CASP9: variants seen among roughly 807,000 people sequenced by gnomAD.
CASP9 encodes caspase-9.
Under a neutral mutation model 43.5 loss-of-function variants are expected in CASP9, and 29 were observed. The ratio of observed to expected loss-of-function variants is 0.67; its 90% CI spans 0.50 to 0.91. CASP9 has a LOEUF of 0.91. CASP9 is among the 40% of genes least tolerant of loss of function. The pLI is 0.00. For missense variants in CASP9, 575 were observed against 537.4 expected, an observed-to-expected ratio of 1.07 and a Z score of -0.69; for synonymous variants, 206 against 211.9, an observed-to-expected ratio of 0.97 and a Z score of 0.24.
Position 15,491,622 on chromosome 1 carries a change from G to A in CASP9, c.*1321C>T. On this transcript the variant is annotated 3_prime_UTR_variant, in exon 9 of 9. Transcript: ENST00000333868. ...AAAATACAAAAATTAACTGGGAGAGGTGGTGCACACCTGTAGTCCAAGCTA... is the reference window on the plus strand; with the variant it reads ...AAAATACAAAAATTAACTGGGAGAGATGGTGCACACCTGTAGTCCAAGCTA... The A allele has an allele frequency of 6.1e-6, 2 of 329,672 alleles. No homozygotes were observed. The allele number at this position is 329,672 out of a possible 1,614,324, so 20.4% of individuals were successfully genotyped here.
chr1:15,519,449 T>C (rs1482093042), intron 1 of CASP9, among the ~76,000 whole-genome samples: 3 of 152,156 alleles, frequency 2.0e-5, no homozygotes, highest in Non-Finnish European at 4.4e-5. Flanking sequence ...CTCAAAGTGC[T>C]AGGATTACAG....
chr1:15,499,474 G>C (rs1042398060), intron 6 of CASP9, among the ~76,000 whole-genome samples: 2 of 152,144 alleles, frequency 1.3e-5, no homozygotes, highest in African/African-American at 4.8e-5. Flanking sequence ...AATCAAAGAA[G>C]CCATCAGAAA....
At chr1:15,498,027 G>A (rs545759032) in intron 6 of CASP9, among the ~76,000 whole-genome samples, 3 of 152,318 alleles carry the variant, frequency 2.0e-5, no homozygotes, top group South Asian at 2.1e-4. Flanking sequence ...AGGGTGGCAG[G>A]ACCATTCAGT....
In CASP9 at chr1:15,518,032, C is replaced by T. The variant is rs1710020214; in HGVS notation, c.418+78G>A. On this transcript the variant is annotated intron_variant, in intron 2 of 8. Transcript: ENST00000333868. ...GCTAAAATTAAATTCTGAATCTCAGCCCACCCAGCTGTACTCATAGTGAGT... is the reference window on the plus strand; with the variant it reads ...GCTAAAATTAAATTCTGAATCTCAGTCCACCCAGCTGTACTCATAGTGAGT... 4 of 1,462,234 alleles carry T rather than the reference C, an allele frequency of 2.7e-6. No homozygotes were observed. In the East Asian group the frequency reaches 9.2e-5, roughly 33 times the overall value. The allele number at this position is 1,462,234 out of a possible 1,614,324, so 90.6% of individuals were successfully genotyped here. A position where few individuals can be genotyped will look rare whatever the true frequency, so the allele number is the denominator to read the frequency against.
chr1:15,506,014 C>T lies in CASP9; in HGVS notation c.696G>A (p.Val232=), dbSNP rs1709504528. ...QDHGALDCCV[V]VILSHGCQAS... ...CCTGACAGCCGTGAGAGAGAATGAC[C>T]ACCACGCAGCAGTCCAGAGCACCGT... The change falls in exon 5 of 9, where the codon GTG becomes GTA. Residue 232 remains valine (V), a synonymous_variant. Transcript: ENST00000333868. 5.0e-6 allele frequency: 8 copies of T among 1,614,122 alleles called. No individual in the cohort carries two copies. Among genetic ancestry groups the T allele is most frequent in the Non-Finnish European group, 6.8e-6 (8 of 1,179,960 alleles).
chr1:15,507,767 G>T lies in CASP9; in HGVS notation c.453+106C>A, dbSNP rs373627814. On this transcript the variant is annotated intron_variant, in intron 3 of 8. Coordinates refer to ENST00000333868, the MANE Select transcript of CASP9 (RefSeq NM_001229.5). Reference sequence around the variant, plus strand: ...ACCAGACCCCCACTGCACTGCCTAGGGTTGGGTTCCCTGGGCTCCTGACAC... The same window carrying T: ...ACCAGACCCCCACTGCACTGCCTAGTGTTGGGTTCCCTGGGCTCCTGACAC... The T allele has an allele frequency of 7.4e-6, 8 of 1,083,792 alleles. No homozygotes were observed. In the African/African-American group the frequency reaches 1.2e-4, roughly 17 times the overall value. 67.1% of individuals were successfully genotyped at this position (1,083,792 alleles called of 1,614,324 possible). A position where few individuals can be genotyped will look rare whatever the true frequency, so the allele number is the denominator to read the frequency against.
chr1:15,493,711 C>G, intron 8 of CASP9, 181 bp downstream of exon 8: 1 of 1,486,944 alleles, frequency 6.7e-7, no homozygotes, highest in Non-Finnish European at 8.9e-7. Context: ...AACGTCACCA[C>G]AGGCAGGATG....
chr1:15,504,675 A>G lies in CASP9; in HGVS notation c.804T>C (p.Asn268=), dbSNP rs1364589709. Residue 268 remains asparagine, a synonymous_variant, in exon 6 of 9, where the codon AAT becomes AAC. Coordinates refer to ENST00000333868, the MANE Select transcript of CASP9 (RefSeq NM_001229.5). ...VSVEKIVNIF[N]GTSCPSLGGK... The stretch of plus-strand genomic sequence containing the variant: ...CTCCCAGGCTGGGGCAGCTGGTCCC[A>G]TTGAAGATGTTCACAATCTTCTCGA... The G allele has an allele frequency of 6.2e-7, 1 of 1,614,206 alleles. No individual in the cohort carries two copies. The highest frequency in any genetic ancestry group is 1.1e-5 in the South Asian group (1 of 91,084).
intron 6 of CASP9, among the ~76,000 whole-genome samples, chr1:15,498,090 T>G (rs1438281095): frequency 6.6e-6 from 1 of 151,970 alleles, no homozygotes; most frequent in Non-Finnish European, 1.5e-5. Flanking sequence ...TTTTTGTTTT[T>G]GTTTTTGTTT....
chr1:15,508,704 T>A (rs1709618976), intron 2 of CASP9, among the ~76,000 whole-genome samples: 1 of 151,050 alleles, frequency 6.6e-6, no homozygotes. Flanking sequence ...TGTGAGCCAC[T>A]GCACCCAGCC....
intron 4 of CASP9, among the ~76,000 whole-genome samples, chr1:15,506,589 G>A (rs1709532453): frequency 6.6e-6 from 1 of 152,186 alleles, no homozygotes; most frequent in Middle Eastern, 3.2e-3. Context: ...TTTTTGGGGA[G>A]AAGGTGCTAC....
upstream of CASP9, chr1:15,524,524 G>T: frequency 2.9e-6 from 1 of 348,154 alleles, no homozygotes. Context: ...TCACCGCCCC[G>T]CTCCAGAATC....
intron 2 of CASP9, among the ~76,000 whole-genome samples, chr1:15,515,952 A>C (rs546652610): frequency 6.6e-6 from 1 of 152,184 alleles, no homozygotes; most frequent in Non-Finnish European, 1.5e-5. Flanking sequence ...CTTTAATCCC[A>C]GCACTTTGGG....
chr1:15,512,648 T>C (rs1448187351), intron 2 of CASP9, among the ~76,000 whole-genome samples: 1 of 152,102 alleles, frequency 6.6e-6, no homozygotes, highest in African/African-American at 2.4e-5. Context: ...TTCCTTGTAA[T>C]AAATATGTTT....
chr1:15,519,509 A>G (rs560387951), intron 1 of CASP9, among the ~76,000 whole-genome samples: 2 of 152,348 alleles, frequency 1.3e-5, no homozygotes, highest in East Asian at 3.9e-4. Flanking sequence ...ATGGAGTGAC[A>G]GAGACAGATA....
chr1:15,497,932 C>G (rs1029086456), intron 6 of CASP9, among the ~76,000 whole-genome samples: 1 of 152,162 alleles, frequency 6.6e-6, no homozygotes, highest in Non-Finnish European at 1.5e-5. Flanking sequence ...CAGTATGGTA[C>G]TGGCATAAAG....
At position 15,518,385 on chromosome 1, in the gene CASP9, G is replaced by C; in HGVS notation, c.143C>G (p.Ser48Cys). ...CCTGGCCTGATCCCGCCGAGATCCA[G>C]AGCCTGCCCGCTGTTTGGAAAGAAA... ...HMIEDIQRAG[S>C]GSRRDQARQL... The change falls in exon 2 of 9, where the codon TCT (serine) becomes TGT (cysteine). Residue 48 changes from serine to cysteine, a missense_variant. Transcript: ENST00000333868. 1 of 1,610,478 alleles carries C rather than the reference G, an allele frequency of 6.2e-7. No individual in the cohort carries two copies. The highest frequency in any genetic ancestry group is 8.5e-7 in the Non-Finnish European group (1 of 1,177,462).
intron 6 of CASP9, among the ~76,000 whole-genome samples, chr1:15,497,320 AAAAAAAAG>A (rs1244326857): frequency 8.7e-5 from 13 of 149,632 alleles, no homozygotes; most frequent in African/African-American, 2.2e-4. Context: ...AAAAAAAAAA[AAAAAAAAG>A]AAAGAAAGAA....
chr1:15,496,244 A>T (rs1450098867), intron 6 of CASP9, among the ~76,000 whole-genome samples: 1 of 152,204 alleles, frequency 6.6e-6, no homozygotes, highest in Non-Finnish European at 1.5e-5. Context: ...CAGTCAACAA[A>T]CTCAGAATAG....
Sources: gnomAD v4.1 joint callset for allele counts (sites outside exome capture counted in the v4.1 genomes callset) on GRCh38, gnomAD v4.1.1 for gene constraint, MANE v1.5 for transcripts, NCBI Gene and HGNC (gene_info 2026-07-23, HGNC 2026-07-21) for gene names.